DPP10: variants seen among roughly 807,000 people sequenced by gnomAD.
DPP10 encodes dipeptidyl peptidase like 10, also known as inactive dipeptidyl peptidase 10.
DPP10 carries 33 observed loss-of-function variants against 120.9 expected under a neutral mutation model. The ratio of observed to expected loss-of-function variants is 0.27; its 90% CI spans 0.21 to 0.37. The LOEUF is 0.37. DPP10 is among the 10% of genes least tolerant of loss of function. The pLI is 1.00. For synonymous variants in DPP10, 337 were observed against 326.1 expected, an observed-to-expected ratio of 1.03 and a Z score of -0.36; for missense variants, 816 against 942.8, an observed-to-expected ratio of 0.87 and a Z score of 1.76.
At chr2:114,564,137 T>C (rs1315603847) in intron 1 of DPP10, among the ~76,000 whole-genome samples, 1 of 152,152 alleles carries the variant, frequency 6.6e-6, no homozygotes, top group Non-Finnish European at 1.5e-5. Context: ...GGTATTCTAA[T>C]GATATTCTAA....
intron 1 of DPP10, among the ~76,000 whole-genome samples, chr2:114,645,072 C>G (rs2105450461): frequency 6.6e-6 from 1 of 150,426 alleles, no homozygotes; most frequent in African/African-American, 2.5e-5. Flanking sequence ...AGACATTTAG[C>G]AAGTATTGTA....
At position 115,332,843 on chromosome 2, in the gene DPP10, A is replaced by G. The variant is rs572731307; in HGVS notation, c.176-10974A>G. On this transcript the variant is annotated intron_variant, in intron 2 of 25. Transcript: ENST00000410059. ...ATTTGCTGAGGAGAGCATTCCTTCC[A>G]AGTATGTGGTCAATTTTGGAATCGG... 3.3e-5 allele frequency among the ~76,000 whole-genome samples: 5 copies of G among 152,256 alleles called. No homozygotes were observed. The South Asian group carries it at 1.0e-3, about 32-fold the overall frequency.
At chr2:115,003,314 G>A (rs1701577857) in intron 1 of DPP10, among the ~76,000 whole-genome samples, 1 of 151,810 alleles carries the variant, frequency 6.6e-6, no homozygotes, top group Admixed American at 6.6e-5. Flanking sequence ...TAATAAATGA[G>A]AACACATGGA....
intron 1 of DPP10, among the ~76,000 whole-genome samples, chr2:115,279,164 G>A (rs747501210): frequency 7.6e-4 from 115 of 152,256 alleles, no homozygotes; most frequent in Non-Finnish European, 1.3e-3. Context: ...TACATGACTG[G>A]CTCATGGACA....
intron 1 of DPP10, among the ~76,000 whole-genome samples, chr2:114,893,673 T>G (rs561005969): frequency 6.6e-6 from 1 of 152,296 alleles, no homozygotes; most frequent in East Asian, 1.9e-4. Context: ...TGATCTTTAC[T>G]TCATAGAAAT....
chr2:115,700,192 C>A (rs1408477918), intron 7 of DPP10, among the ~76,000 whole-genome samples: 1 of 152,230 alleles, frequency 6.6e-6, no homozygotes, highest in Middle Eastern at 3.4e-3. Context: ...TCATGAGAAA[C>A]CCACTGCCAT....
chr2:115,064,160 C>A (rs1348519778), intron 1 of DPP10, among the ~76,000 whole-genome samples: 3 of 151,418 alleles, frequency 2.0e-5, no homozygotes, highest in Non-Finnish European at 4.4e-5. Context: ...CTTCTTTTCT[C>A]TCCCTAATGT....
chr2:115,254,222 A>C (rs938767233), intron 1 of DPP10, among the ~76,000 whole-genome samples: 8 of 152,164 alleles, frequency 5.3e-5, no homozygotes, highest in African/African-American at 1.9e-4. Context: ...GTGGAAGGGG[A>C]GGCAAACATG....
At chr2:115,225,064 T>C (rs2057366914) in intron 1 of DPP10, among the ~76,000 whole-genome samples, 1 of 152,148 alleles carries the variant, frequency 6.6e-6, no homozygotes, top group Non-Finnish European at 1.5e-5. Flanking sequence ...ATTTTAAATG[T>C]TCTGGATTTT....
chr2:114,584,082 T>G (rs1255614238), intron 1 of DPP10, among the ~76,000 whole-genome samples: 2 of 152,200 alleles, frequency 1.3e-5, no homozygotes, highest in Non-Finnish European at 2.9e-5. Flanking sequence ...CAAATGAATA[T>G]TTCTTATTCA....
intron 5 of DPP10, among the ~76,000 whole-genome samples, chr2:115,620,967 C>A (rs905282540): frequency 6.6e-6 from 1 of 152,166 alleles, no homozygotes; most frequent in African/African-American, 2.4e-5. Flanking sequence ...ATCTTAAAAA[C>A]CTCCAGAGAC....
intron 19 of DPP10, among the ~76,000 whole-genome samples, chr2:115,809,906 GT>G (rs1448300218): frequency 1.3e-5 from 2 of 152,174 alleles, no homozygotes; most frequent in Non-Finnish European, 2.9e-5. Flanking sequence ...GCTCACGCCT[GT>G]AATCCCAGCA....
At chr2:114,479,403 G>GA (rs1461369556) in intron 1 of DPP10, among the ~76,000 whole-genome samples, 3 of 89,448 alleles carry the variant, frequency 3.4e-5, no homozygotes, top group Non-Finnish European at 7.8e-5. Flanking sequence ...ATAGATCAAT[G>GA]AAAAAATGAA....
chr2:115,236,668 CT>C (rs2058024129), intron 1 of DPP10, among the ~76,000 whole-genome samples: 1 of 152,188 alleles, frequency 6.6e-6, no homozygotes, highest in Non-Finnish European at 1.5e-5. Flanking sequence ...TGTGCCATTT[CT>C]GCCTTTTTCT....
Position 114,563,069 on chromosome 2 carries a change from G to A in DPP10, c.60+120231G>A, listed in dbSNP as rs529926171. ...GTTTTTCATTCAAATTTCAACGTTT[G>A]CATATTAAGAACACATAAAACTGGC... On this transcript the variant is annotated intron_variant, in intron 1 of 25. Transcript: ENST00000410059. 7.2e-5 allele frequency among the ~76,000 whole-genome samples: 11 copies of A among 152,254 alleles called. No homozygotes were observed. In the East Asian group the frequency reaches 2.1e-3, roughly 29 times the overall value.
chr2:115,761,783 A>G (rs747307224), intron 11 of DPP10, among the ~76,000 whole-genome samples: 14 of 152,142 alleles, frequency 9.2e-5, no homozygotes, highest in Non-Finnish European at 2.1e-4. Context: ...TTAAAAACAT[A>G]TAAATAATTT....
chr2:115,615,335 A>G (rs1249887007), intron 5 of DPP10, among the ~76,000 whole-genome samples: 3 of 152,140 alleles, frequency 2.0e-5, no homozygotes, highest in Non-Finnish European at 2.9e-5. Flanking sequence ...TAAATTTCAG[A>G]CTGTTTTTAT....
intron 1 of DPP10, among the ~76,000 whole-genome samples, chr2:114,917,636 A>T (rs1694903090): frequency 6.6e-6 from 1 of 151,944 alleles, no homozygotes; most frequent in Non-Finnish European, 1.5e-5. Flanking sequence ...CAGGTCAGAG[A>T]ACCCTAAATA....
At chr2:115,766,904 A>G (rs893500152) in intron 12 of DPP10, among the ~76,000 whole-genome samples, 1 of 152,186 alleles carries the variant, frequency 6.6e-6, no homozygotes, top group Non-Finnish European at 1.5e-5. Context: ...CCATTCGTGA[A>G]GGACTCACCC....
Sources: allele counts gnomAD v4.1 joint callset (sites outside exome capture counted in the v4.1 genomes callset), GRCh38; gene constraint gnomAD v4.1.1; transcripts MANE v1.5; gene names NCBI Gene and HGNC (gene_info 2026-07-23, HGNC 2026-07-21).